The following GRIN2B variants were observed in gnomAD, a reference collection of about 807,000 sequenced individuals.
GRIN2B encodes glutamate ionotropic receptor NMDA type subunit 2B.
In GRIN2B, 5 loss-of-function variants were observed where a neutral mutation model predicts 114.5. That is an observed-to-expected ratio of 0.04 (90% confidence interval 0.02 to 0.09). The LOEUF is 0.09. GRIN2B is among the 10% of genes least tolerant of loss of function. GRIN2B has a pLI of 1.00. For missense variants in GRIN2B, 1,108 were observed against 1,943.5 expected (o/e 0.57, Z 8.08); for synonymous variants, 787 against 745.1 (o/e 1.06, Z -0.92).
chr12:13,757,527 A>G (rs1226608869), intron 3 of GRIN2B, among the ~76,000 whole-genome samples: 2 of 152,142 alleles, frequency 1.3e-5, no homozygotes, highest in Non-Finnish European at 2.9e-5. Context: ...TTCTGTTTGT[A>G]GCTCACTATG....
chr12:13,624,490 G>T (rs1477556189), intron 5 of GRIN2B, among the ~76,000 whole-genome samples: 2 of 152,238 alleles, frequency 1.3e-5, no homozygotes, highest in Non-Finnish European at 2.9e-5. Flanking sequence ...ATCTAAAAAG[G>T]CCACTGGCAT....
chr12:13,922,676 G>C (rs911637718), intron 2 of GRIN2B, among the ~76,000 whole-genome samples: 4 of 152,182 alleles, frequency 2.6e-5, no homozygotes, highest in Admixed American at 2.6e-4. Flanking sequence ...CTGGAAAAGA[G>C]ACAAACAAAA....
In GRIN2B at chr12:13,557,056, A is replaced by T. The variant is rs1182686056; in HGVS notation, c.*5727T>A. On this transcript the variant is annotated 3_prime_UTR_variant, in exon 14 of 14. Coordinates refer to ENST00000609686, the MANE Select transcript of GRIN2B (RefSeq NM_000834.5). ...GGTTTTGGGTGAGGGCCTTTGTCAT[A>T]GGAATAGATAGGCTATCTCTTCTAA... The T allele has an allele frequency of 6.6e-6, 1 of 152,202 alleles. No homozygotes were observed. Among genetic ancestry groups the T allele is most frequent in the Non-Finnish European group, 1.5e-5 (1 of 68,038 alleles). The allele number at this position is 152,202 out of a possible 1,614,324, so 9.4% of individuals were successfully genotyped here.
chr12:13,548,236 G>C lies in GRIN2B; in HGVS notation c.*14547C>G, dbSNP rs1271425778. ...ATAGCTAAGCACCCATGCCCCCTAA[G>C]GGATACTTGAAATAGGAAGATATCT... On this transcript the variant is annotated 3_prime_UTR_variant, in exon 14 of 14. Transcript: ENST00000609686. 6.6e-6 allele frequency: 1 copy of C among 151,718 alleles called. No homozygotes were observed. Among genetic ancestry groups the C allele is most frequent in the African/African-American group, 2.4e-5 (1 of 41,306 alleles). 9.4% of individuals were successfully genotyped at this position (151,718 alleles called of 1,614,324 possible). A position where few individuals can be genotyped will look rare whatever the true frequency, so the allele number is the denominator to read the frequency against.
chr12:13,618,716 T>C (rs188708831), intron 5 of GRIN2B, among the ~76,000 whole-genome samples: 1 of 152,336 alleles, frequency 6.6e-6, no homozygotes, highest in Non-Finnish European at 1.5e-5. Flanking sequence ...CTAGCCTACC[T>C]TGATACAGTT....
chr12:13,958,522 T>C (rs1363060724), intron 2 of GRIN2B, among the ~76,000 whole-genome samples: 1 of 152,218 alleles, frequency 6.6e-6, no homozygotes, highest in African/African-American at 2.4e-5. Context: ...TGTACCCCCA[T>C]AGGTTAGTAC....
chr12:13,847,617 G>A (rs949998856), intron 3 of GRIN2B, among the ~76,000 whole-genome samples: 4 of 152,088 alleles, frequency 2.6e-5, no homozygotes, highest in Admixed American at 1.3e-4. Context: ...CAGGAGATGG[G>A]GGGGAGGACA....
intron 5 of GRIN2B, among the ~76,000 whole-genome samples, chr12:13,644,978 G>A (rs1949749390): frequency 6.6e-6 from 1 of 152,098 alleles, no homozygotes; most frequent in South Asian, 2.1e-4. Context: ...TCAGCAATCA[G>A]GCTGCTTTGC....
At chr12:13,870,041 G>A (rs530497699) in intron 2 of GRIN2B, among the ~76,000 whole-genome samples, 1 of 152,206 alleles carries the variant, frequency 6.6e-6, no homozygotes, top group Admixed American at 6.5e-5. Flanking sequence ...ATTTATGATA[G>A]CACAAAGTGA....
At chr12:13,746,377 G>A (rs1440089555) in intron 4 of GRIN2B, among the ~76,000 whole-genome samples, 6 of 152,160 alleles carry the variant, frequency 3.9e-5, no homozygotes, top group Non-Finnish European at 8.8e-5. Flanking sequence ...TTCTGAGGCA[G>A]AATCTGTTTT....
chr12:13,962,127 C>T (rs578024921), intron 2 of GRIN2B, among the ~76,000 whole-genome samples: 15 of 148,622 alleles, frequency 1.0e-4, no homozygotes, highest in Admixed American at 4.7e-4. Context: ...CACACGTGCA[C>T]GAAGCTGGCT....
In GRIN2B at chr12:13,783,879, T is replaced by C. The variant is rs144343459; in HGVS notation, c.412-29964A>G. Among the ~76,000 whole-genome samples, 43 of 152,148 alleles carry C rather than the reference T, an allele frequency of 2.8e-4. 2 individuals carry two copies. The East Asian group carries it at 8.3e-3, about 29-fold the overall frequency. On this transcript the variant is annotated intron_variant, in intron 3 of 13. Coordinates refer to ENST00000609686, the MANE Select transcript of GRIN2B (RefSeq NM_000834.5). ...CCTGAGAGTTCAGTGTTTTCAGAAT[T>C]TGCACCTTAGCAGGTCAGGGAAAGG...
intron 5 of GRIN2B, among the ~76,000 whole-genome samples, chr12:13,632,207 AACAGTTGGTAAGTTC>A (rs1189010313): frequency 6.6e-6 from 1 of 152,238 alleles, no homozygotes; most frequent in Non-Finnish European, 1.5e-5. Flanking sequence ...AAGTTAGGCT[AACAGTTGGTAAGTTC>A]ACATCTGTAC....
At chr12:13,761,036 C>T (rs1260301077) in intron 3 of GRIN2B, among the ~76,000 whole-genome samples, 2 of 152,150 alleles carry the variant, frequency 1.3e-5, no homozygotes, top group African/African-American at 4.8e-5. Context: ...AATATCATGA[C>T]TGAAACACAC....
At chr12:13,966,122 A>G (rs1161711465) in intron 2 of GRIN2B, among the ~76,000 whole-genome samples, 3 of 152,228 alleles carry the variant, frequency 2.0e-5, no homozygotes, top group Non-Finnish European at 2.9e-5. Context: ...AGAGCACTTT[A>G]TATCACTAGA....
intron 3 of GRIN2B, among the ~76,000 whole-genome samples, chr12:13,848,916 A>G (rs920446300): frequency 6.6e-6 from 1 of 152,186 alleles, no homozygotes; most frequent in African/African-American, 2.4e-5. Flanking sequence ...CTTCTGGAAG[A>G]ACTGAAATGA....
intron 5 of GRIN2B, among the ~76,000 whole-genome samples, chr12:13,645,271 A>T (rs1297194153): frequency 6.6e-6 from 1 of 152,076 alleles, no homozygotes; most frequent in African/African-American, 2.4e-5. Flanking sequence ...AGATCCAAGG[A>T]GAGGAAGAGA....
At chr12:13,629,979 C>T (rs957387733) in intron 5 of GRIN2B, among the ~76,000 whole-genome samples, 4 of 152,170 alleles carry the variant, frequency 2.6e-5, no homozygotes, top group Non-Finnish European at 4.4e-5. Context: ...GTGCATATCT[C>T]GGCCTCACAA....
At chr12:13,715,225 A>T (rs1323359037) in intron 4 of GRIN2B, among the ~76,000 whole-genome samples, 1 of 151,910 alleles carries the variant, frequency 6.6e-6, no homozygotes, top group East Asian at 1.9e-4. Context: ...GTATTCCTTC[A>T]TTCACTTTTC....
Sources: gnomAD v4.1 joint callset for allele counts (sites outside exome capture counted in the v4.1 genomes callset) on GRCh38, gnomAD v4.1.1 for gene constraint, MANE v1.5 for transcripts, NCBI Gene and HGNC (gene_info 2026-07-23, HGNC 2026-07-21) for gene names.